The following RAP1GAP2 variants were observed in gnomAD, a reference collection of about 807,000 sequenced individuals.
The protein encoded by RAP1GAP2 is RAP1 GTPase activating protein 2, also known as rap1 GTPase-activating protein 2.
In RAP1GAP2, 27 loss-of-function variants were observed where a neutral mutation model predicts 95.0. The observed-to-expected ratio is 0.28, with a 90% confidence interval of 0.21 to 0.39. The LOEUF is 0.39. RAP1GAP2 is among the 10% of genes least tolerant of loss of function. The pLI, the probability that RAP1GAP2 is intolerant of heterozygous loss-of-function variation, is 1.00. For synonymous variants in RAP1GAP2, 373 were observed against 380.9 expected (o/e 0.98, Z 0.24); for missense variants, 771 against 970.0 (o/e 0.79, Z 2.72).
chr17:2,913,152 T>C (rs2042446178), intron 3 of RAP1GAP2, among the ~76,000 whole-genome samples: 1 of 152,040 alleles, frequency 6.6e-6, no homozygotes, highest in Admixed American at 6.6e-5. Flanking sequence ...CACTCTAGCC[T>C]GGGTGACAGA....
chr17:2,998,438 T>C (rs1421253188), intron 14 of RAP1GAP2, 62 bp downstream of exon 14: 1 of 1,567,606 alleles, frequency 6.4e-7, no homozygotes, highest in African/African-American at 1.4e-5. Context: ...GTGTGGATGC[T>C]GTGATATCAG....
chr17:2,869,358 G>C (rs1079530), intron 2 of RAP1GAP2, among the ~76,000 whole-genome samples: 51,699 of 151,534 alleles, frequency 0.34, 11,235 homozygotes, highest in Non-Finnish European at 0.49. Context: ...TGATGATAAA[G>C]TTCTGGAAAT....
chr17:2,923,567 CAG>C (rs2042862246), intron 3 of RAP1GAP2, among the ~76,000 whole-genome samples: 1 of 151,578 alleles, frequency 6.6e-6, no homozygotes, highest in Non-Finnish European at 1.5e-5. Context: ...CTCCTGACCT[CAG>C]GTGATCCACC....
At chr17:2,824,027 G>A (rs1468842204) in intron 2 of RAP1GAP2, among the ~76,000 whole-genome samples, 1 of 151,586 alleles carries the variant, frequency 6.6e-6, no homozygotes, top group South Asian at 2.1e-4. Context: ...GGAGGCTGAG[G>A]CAGGAGAATG....
chr17:3,029,887 A>G lies in RAP1GAP2; in HGVS notation c.2108-1035A>G, dbSNP rs1225868755. Among the ~76,000 whole-genome samples the G allele has an allele frequency of 6.6e-6, 1 of 151,994 alleles. No homozygotes were observed. The highest frequency in any genetic ancestry group is 2.4e-5 in the African/African-American group (1 of 41,386). On this transcript the variant is annotated intron_variant, in intron 22 of 24. Transcript: ENST00000254695. The surrounding 1 kb of genome is among the most constrained non-coding windows in gnomAD (Gnocchi z 4.4). ...GATAATATTCTTTACCATAAGTCCC[A>G]TATGTCCAACTGATTCTCACAGAAT...
chr17:2,999,112 C>G (rs1000226188), intron 14 of RAP1GAP2, among the ~76,000 whole-genome samples: 3 of 152,164 alleles, frequency 2.0e-5, no homozygotes, highest in Non-Finnish European at 4.4e-5. Context: ...ACGGGTCTGT[C>G]AGATGGCTCG....
At chr17:2,905,801 T>G (rs966106399) in intron 3 of RAP1GAP2, among the ~76,000 whole-genome samples, 1 of 152,168 alleles carries the variant, frequency 6.6e-6, no homozygotes, top group Non-Finnish European at 1.5e-5. Flanking sequence ...GCAGTCCCCA[T>G]GGAAGGGTTG....
At chr17:2,961,445 G>A (rs954308620) in intron 4 of RAP1GAP2, among the ~76,000 whole-genome samples, 1 of 152,160 alleles carries the variant, frequency 6.6e-6, no homozygotes, top group South Asian at 2.1e-4. Context: ...AACCTGGGAG[G>A]TGGAGGTTGC....
chr17:2,909,012 T>G (rs900397732), intron 3 of RAP1GAP2, among the ~76,000 whole-genome samples: 4 of 152,064 alleles, frequency 2.6e-5, no homozygotes, highest in Non-Finnish European at 4.4e-5. Flanking sequence ...TGTCGAGGGG[T>G]CAGCTCTAAG....
chr17:2,968,861 AAG>A (rs571730846), intron 8 of RAP1GAP2, among the ~76,000 whole-genome samples: 2 of 152,106 alleles, frequency 1.3e-5, no homozygotes, highest in East Asian at 3.8e-4. Context: ...CAAATACAAA[AAG>A]AAAGCGGGAT....
chr17:2,919,990 C>T (rs992051656), intron 3 of RAP1GAP2, among the ~76,000 whole-genome samples: 3 of 151,256 alleles, frequency 2.0e-5, no homozygotes, highest in South Asian at 2.1e-4. Flanking sequence ...CGTGAGCCGC[C>T]GCATCTGGCC....
At chr17:2,781,736 G>T (rs985023074) in intron 1 of RAP1GAP2, among the ~76,000 whole-genome samples, 7 of 141,674 alleles carry the variant, frequency 4.9e-5, no homozygotes, top group African/African-American at 1.6e-4. Context: ...GTGTGTGCAC[G>T]TCTCTGTGTG....
intron 2 of RAP1GAP2, among the ~76,000 whole-genome samples, chr17:2,900,600 C>T (rs2041997162): frequency 1.3e-5 from 2 of 152,034 alleles, no homozygotes; most frequent in Admixed American, 1.3e-4. Flanking sequence ...CGCCACCACG[C>T]CTGGCTAATT....
rs1368927115 is a variant in RAP1GAP2, at chr17:2,902,940, AAT to A, written c.81-2342_81-2341del. On this transcript the variant is annotated intron_variant, in intron 2 of 24. Coordinates refer to ENST00000254695, the MANE Select transcript of RAP1GAP2 (RefSeq NM_015085.5). The surrounding 1 kb of genome is among the most constrained non-coding windows in gnomAD (Gnocchi z 4.1). Reference sequence around the variant, plus strand: ...GGACACCTTGTGCCTGATGGGGAAAAATAGACAGCATGACTGTGTGTATGAGC... The same window carrying A: ...GGACACCTTGTGCCTGATGGGGAAAAAGACAGCATGACTGTGTGTATGAGC... Among the ~76,000 whole-genome samples the A allele has an allele frequency of 6.6e-6, 1 of 152,154 alleles. No individual in the cohort carries two copies. Among genetic ancestry groups the A allele is most frequent in the Non-Finnish European group, 1.5e-5 (1 of 68,032 alleles).
chr17:2,783,363 C>A (rs1244261464), intron 1 of RAP1GAP2, among the ~76,000 whole-genome samples: 2 of 152,206 alleles, frequency 1.3e-5, no homozygotes, highest in African/African-American at 4.8e-5. Context: ...CCCTCTTCCC[C>A]ACCTAGAGCA....
Position 2,954,254 on chromosome 17 carries a change from G to A in RAP1GAP2, c.166-3505G>A, listed in dbSNP as rs184367293. On this transcript the variant is annotated intron_variant, in intron 3 of 24. Transcript: ENST00000254695. ...TGAGTAGCTGGGATTACAGGCGCCC[G>A]CCACCATGCCCAGCTAATTTTTTGT... 7.9e-4 allele frequency among the ~76,000 whole-genome samples: 120 copies of A among 151,972 alleles called. 1 individual carries two copies. The South Asian group carries it at 0.012, about 16-fold the overall frequency.
intron 2 of RAP1GAP2, among the ~76,000 whole-genome samples, chr17:2,890,547 C>G (rs2073673721): frequency 6.6e-6 from 1 of 152,162 alleles, no homozygotes; most frequent in Non-Finnish European, 1.5e-5. Flanking sequence ...TAACACGCCT[C>G]TGTGCTGGGC....
intron 2 of RAP1GAP2, among the ~76,000 whole-genome samples, chr17:2,828,573 G>A (rs532238381): frequency 2.0e-5 from 3 of 152,248 alleles, no homozygotes; most frequent in South Asian, 2.1e-4. Flanking sequence ...CGGGAAGAGC[G>A]GGTGGATGGG....
At chr17:2,954,198 G>A (rs1356207928) in intron 3 of RAP1GAP2, among the ~76,000 whole-genome samples, 8 of 151,830 alleles carry the variant, frequency 5.3e-5, no homozygotes, top group Admixed American at 1.3e-4. Context: ...TCCGCCTCCC[G>A]GGTTCACGCC....
Sources: allele counts gnomAD v4.1 joint callset (sites outside exome capture counted in the v4.1 genomes callset), GRCh38; gene constraint gnomAD v4.1.1; non-coding constraint Gnocchi (gnomAD v3.1); transcripts MANE v1.5; gene names NCBI Gene and HGNC (gene_info 2026-07-23, HGNC 2026-07-21).